PPP2CA: variants seen among roughly 807,000 people sequenced by gnomAD.
PPP2CA encodes the protein protein phosphatase 2 catalytic subunit alpha, also known as serine/threonine-protein phosphatase 2A catalytic subunit alpha isoform.
PPP2CA carries 5 observed loss-of-function variants against 38.8 expected under a neutral mutation model. The ratio of observed to expected loss-of-function variants is 0.13; its 90% CI spans 0.07 to 0.27. The LOEUF is 0.27. PPP2CA is among the 10% of genes least tolerant of loss of function. The probability of loss-of-function intolerance (pLI) is 1.00; values close to 1 mark genes in which losing one functional copy is unlikely to be tolerated. For synonymous variants in PPP2CA, 152 were observed against 134.0 expected (o/e 1.13, Z -0.93); for missense variants, 88 against 389.7 (o/e 0.23, Z 6.52).
chr5:134,222,921 T>G (rs10052660), intron 1 of PPP2CA, among the ~76,000 whole-genome samples: 2,537 of 152,334 alleles, frequency 0.017, 79 homozygotes, highest in African/African-American at 0.058. Context: ...CCATGTTCAC[T>G]CTTGTCTTTT....
intron 1 of PPP2CA, among the ~76,000 whole-genome samples, chr5:134,209,053 G>A (rs1762145167): frequency 6.6e-6 from 1 of 152,118 alleles, no homozygotes; most frequent in Admixed American, 6.6e-5. Flanking sequence ...AACTTAACTA[G>A]TGTATCTAGT....
At chr5:134,212,463 C>T (rs546861286) in intron 1 of PPP2CA, among the ~76,000 whole-genome samples, 2 of 152,280 alleles carry the variant, frequency 1.3e-5, no homozygotes, top group African/African-American at 2.4e-5. Context: ...CGTATATATT[C>T]TTACTGCTGC....
rs1017392583 is a variant in PPP2CA at position 134,194,605 on chromosome 5, C to G, written c.*3167G>C. The stretch of plus-strand genomic sequence containing the variant: ...TCTTAAGTATGTACTTAGGAAACAG[C>G]AGTGAGGTGTTTTTGTTTTTTGAGA... On this transcript the variant is annotated 3_prime_UTR_variant, in exon 7 of 7. Transcript: ENST00000481195. 1 of 152,348 alleles carries G rather than the reference C, an allele frequency of 6.6e-6. No individual in the cohort carries two copies. Among genetic ancestry groups the G allele is most frequent in the Admixed American group, 6.5e-5 (1 of 15,292 alleles). 9.4% of individuals were successfully genotyped at this position (152,348 alleles called of 1,614,324 possible).
rs2149384593 is a variant in PPP2CA, at chr5:134,206,046, T to C, written c.188A>G (p.His63Arg). 6.2e-7 allele frequency: 1 copy of C among 1,614,170 alleles called. No homozygotes were observed. Among genetic ancestry groups the C allele is most frequent in the Non-Finnish European group, 8.5e-7 (1 of 1,179,992 alleles). Residue 63 changes from histidine to arginine, a missense_variant, in exon 2 of 7, where the codon CAT becomes CGT. Coordinates refer to ENST00000481195, the MANE Select transcript of PPP2CA (RefSeq NM_002715.4). ...TVCGDVHGQF[H>R]DLMELFRIGG... ...AATTCTAAACAGTTCCATGAGATCA[T>C]GAAATTGCCCATGCACATCTCCACA... is the stretch of plus-strand genomic sequence containing the variant.
At chr5:134,198,265 C>T (rs896457624) in intron 6 of PPP2CA, among the ~76,000 whole-genome samples, 1 of 151,846 alleles carries the variant, frequency 6.6e-6, no homozygotes, top group Non-Finnish European at 1.5e-5. Context: ...TGGTGGCAGA[C>T]GCCTGTAATC....
chr5:134,220,907 T>C (rs1762426740), intron 1 of PPP2CA, among the ~76,000 whole-genome samples: 1 of 152,220 alleles, frequency 6.6e-6, no homozygotes, highest in Non-Finnish European at 1.5e-5. Flanking sequence ...GCCAATTTTC[T>C]GAAAACATAC....
chr5:134,198,236 C>CA (rs1349804839), intron 6 of PPP2CA, among the ~76,000 whole-genome samples: 2 of 150,906 alleles, frequency 1.3e-5, no homozygotes, highest in Non-Finnish European at 3.0e-5. Flanking sequence ...TAAAAAAATA[C>CA]AAAAAAATTA....
chr5:134,216,696 G>A (rs1160257646), intron 1 of PPP2CA, among the ~76,000 whole-genome samples: 2 of 151,988 alleles, frequency 1.3e-5, no homozygotes, highest in South Asian at 2.1e-4. Context: ...AGAAACGGTG[G>A]TCTCACTACA....
Position 134,219,961 on chromosome 5 carries a change from A to G in PPP2CA, c.102+5799T>C, listed in dbSNP as rs369852876. The stretch of plus-strand genomic sequence containing the variant: ...GGGAGACAAAGGTTGCAGTGAGCCG[A>G]GATCATGCAACTGTACTCTGGCCTG... On this transcript the variant is annotated intron_variant, in intron 1 of 6. Coordinates refer to ENST00000481195, the MANE Select transcript of PPP2CA (RefSeq NM_002715.4). Among the ~76,000 whole-genome samples the G allele has an allele frequency of 7.3e-4, 109 of 149,518 alleles. 1 individual carries two copies. The highest frequency in any genetic ancestry group is 2.6e-3 in the African/African-American group (104 of 40,564).
At chr5:134,200,238 G>A (rs902580306) in intron 5 of PPP2CA, 97 bp downstream of exon 5, 1 of 1,336,028 alleles carries the variant, frequency 7.5e-7, no homozygotes, top group Non-Finnish European at 1.0e-6. Context: ...GGAATAGATG[G>A]AATTTCTCAC....
At chr5:134,211,943 C>A (rs1364707250) in intron 1 of PPP2CA, among the ~76,000 whole-genome samples, 4 of 151,922 alleles carry the variant, frequency 2.6e-5, no homozygotes, top group African/African-American at 9.7e-5. Flanking sequence ...CATGGTGAAA[C>A]CCCATCTGTA....
chr5:134,207,236 T>A (rs1762102799), intron 1 of PPP2CA, among the ~76,000 whole-genome samples: 1 of 152,006 alleles, frequency 6.6e-6, no homozygotes, highest in African/African-American at 2.4e-5. Flanking sequence ...AAACCCCATC[T>A]CCACTAAAAA....
intron 2 of PPP2CA, among the ~76,000 whole-genome samples, chr5:134,204,729 T>C (rs1411532084): frequency 6.6e-6 from 1 of 152,042 alleles, no homozygotes; most frequent in African/African-American, 2.4e-5. Flanking sequence ...TCCCAAAGTG[T>C]TGAGATAACA....
chr5:134,223,422 TATC>T, intron 1 of PPP2CA, among the ~76,000 whole-genome samples: 1 of 152,336 alleles, frequency 6.6e-6, no homozygotes, highest in African/African-American at 2.4e-5. Flanking sequence ...GGAAGTTTAA[TATC>T]ATCCTGAAAG....
chr5:134,210,619 G>A (rs560073866), intron 1 of PPP2CA, among the ~76,000 whole-genome samples: 6 of 152,140 alleles, frequency 3.9e-5, no homozygotes, highest in Non-Finnish European at 8.8e-5. Context: ...CAAGGCAGGT[G>A]GATCATTTGA....
At chr5:134,215,490 G>C (rs189917482) in intron 1 of PPP2CA, among the ~76,000 whole-genome samples, 1 of 152,098 alleles carries the variant, frequency 6.6e-6, no homozygotes. Context: ...CAGGAGAATC[G>C]CTTGAACCCA....
intron 2 of PPP2CA, among the ~76,000 whole-genome samples, chr5:134,204,103 G>A (rs866214226): frequency 1.6e-4 from 25 of 152,254 alleles, no homozygotes; most frequent in East Asian, 1.5e-3. Context: ...AAAATATTTC[G>A]TAGGACTTTA....
rs1312594299 is a variant in PPP2CA, at chr5:134,217,289, G to GA, written c.102+8470dup. Reference sequence around the variant, plus strand: ...GAGCGAAACTCCCTTCTCAAAAAAAGAAAAAAAAAAGAAGTCTGATTATTA... The same window carrying GA: ...GAGCGAAACTCCCTTCTCAAAAAAAGAAAAAAAAAAAGAAGTCTGATTATTA... On this transcript the variant is annotated intron_variant, in intron 1 of 6. Coordinates refer to ENST00000481195, the MANE Select transcript of PPP2CA (RefSeq NM_002715.4). Among the ~76,000 whole-genome samples, 73 of 145,268 alleles carry GA rather than the reference G, an allele frequency of 5.0e-4. 1 individual carries two copies. The highest frequency in any genetic ancestry group is 3.4e-3 in the Middle Eastern group (1 of 294).
intron 2 of PPP2CA, chr5:134,202,233 C>A (rs1321541035): frequency 2.3e-5 from 11 of 468,672 alleles, no homozygotes; most frequent in Non-Finnish European, 4.1e-5. Context: ...ATCAAACTCC[C>A]TCTACCACCA....
Sources: allele counts gnomAD v4.1 joint callset (sites outside exome capture counted in the v4.1 genomes callset), GRCh38; gene constraint gnomAD v4.1.1; transcripts MANE v1.5; gene names NCBI Gene and HGNC (gene_info 2026-07-23, HGNC 2026-07-21).